The following NAALADL2 variants were observed in gnomAD, a reference collection of about 807,000 sequenced individuals.
The protein encoded by NAALADL2 is N-acetylated alpha-linked acidic dipeptidase like 2, also known as inactive N-acetylated-alpha-linked acidic dipeptidase-like protein 2.
In NAALADL2, 76 loss-of-function variants were observed where a neutral mutation model predicts 87.2. The observed-to-expected ratio is 0.87, with a 90% CI of 0.72 to 1.05. The LOEUF is 1.05. NAALADL2 is among the 50% of genes least tolerant of loss of function. NAALADL2 has a pLI of 0.00. For missense variants in NAALADL2, 1,089 were observed against 945.8 expected, an observed-to-expected ratio of 1.15 and a Z score of -1.99; for synonymous variants, 354 against 331.0, an observed-to-expected ratio of 1.07 and a Z score of -0.75.
At chr3:175,403,927 A>G (rs1281186056) in intron 5 of NAALADL2, among the ~76,000 whole-genome samples, 1 of 152,130 alleles carries the variant, frequency 6.6e-6, no homozygotes, top group Non-Finnish European at 1.5e-5. Flanking sequence ...AGTGTTAAAC[A>G]TGTTCACAGC....
At chr3:175,374,611 G>T (rs1371058826) in intron 5 of NAALADL2, among the ~76,000 whole-genome samples, 1 of 147,624 alleles carries the variant, frequency 6.8e-6, no homozygotes, top group East Asian at 2.0e-4. Flanking sequence ...CAGGTGTGGT[G>T]GCTGTAATCC....
intron 11 of NAALADL2, among the ~76,000 whole-genome samples, chr3:175,717,120 A>C (rs73881361): frequency 2.0e-5 from 3 of 152,082 alleles, no homozygotes; most frequent in Admixed American, 1.3e-4. Context: ...TGCATGATGA[A>C]ATTTGCACAG....
At chr3:175,165,395 A>G (rs538922947) in intron 2 of NAALADL2, among the ~76,000 whole-genome samples, 2 of 152,082 alleles carry the variant, frequency 1.3e-5, no homozygotes, top group African/African-American at 4.8e-5. Flanking sequence ...ATCTATAAAC[A>G]ATAAGTAAAT....
chr3:174,628,203 C>T (rs957429300), intron 2 of NAALADL2, among the ~76,000 whole-genome samples: 12 of 152,060 alleles, frequency 7.9e-5, no homozygotes, highest in Non-Finnish European at 1.6e-4. Flanking sequence ...TCTGGCCGGT[C>T]GTTGTGGCTC....
chr3:175,005,851 C>A (rs918590964), intron 1 of NAALADL2, among the ~76,000 whole-genome samples: 6 of 152,104 alleles, frequency 3.9e-5, no homozygotes, highest in Non-Finnish European at 8.8e-5. Flanking sequence ...AGACTTTGGG[C>A]TTATTTGGAA....
chr3:175,008,303 C>T (rs995770013), intron 1 of NAALADL2, among the ~76,000 whole-genome samples: 14 of 152,100 alleles, frequency 9.2e-5, no homozygotes, highest in South Asian at 4.1e-4. Flanking sequence ...ATTGCTTGAG[C>T]GCAGGAGTTC....
At chr3:175,217,719 T>C (rs766283435) in intron 2 of NAALADL2, among the ~76,000 whole-genome samples, 3 of 152,248 alleles carry the variant, frequency 2.0e-5, no homozygotes, top group Non-Finnish European at 4.4e-5. Context: ...TCATGCATTA[T>C]GTGGCCTTTA....
At chr3:175,333,210 ATG>A (rs1761603769) in intron 5 of NAALADL2, among the ~76,000 whole-genome samples, 1 of 152,126 alleles carries the variant, frequency 6.6e-6, no homozygotes, top group South Asian at 2.1e-4. Context: ...GTACAGGTAG[ATG>A]TCAGCTGTGG....
intron 3 of NAALADL2, among the ~76,000 whole-genome samples, chr3:174,753,347 A>T (rs1006685552): frequency 1.3e-4 from 20 of 152,206 alleles, no homozygotes; most frequent in African/African-American, 4.8e-4. Context: ...AAGTGCTGGG[A>T]TTACAGGCAT....
At position 175,150,155 on chromosome 3, in the gene NAALADL2, TA is replaced by T. The variant is rs67666449; in HGVS notation, c.545+52865del. On this transcript the variant is annotated intron_variant, in intron 2 of 13. Transcript: ENST00000454872. The stretch of plus-strand genomic sequence containing the variant: ...TGAGATTAAGAATCTTTCTATGTTT[TA>T]TAACAATAGGTTTCAAAAGAGCATC... Among the ~76,000 whole-genome samples the T allele has an allele frequency of 7.7e-3, 1,165 of 151,906 alleles. 4 individuals are homozygous for T. The highest frequency in any genetic ancestry group is 0.025 in the South Asian group (122 of 4,812).
intron 4 of NAALADL2, among the ~76,000 whole-genome samples, chr3:175,297,927 A>G (rs749258026): frequency 6.6e-6 from 1 of 152,186 alleles, no homozygotes; most frequent in Non-Finnish European, 1.5e-5. Flanking sequence ...TTTAATAACT[A>G]TGAATACATT....
intron 13 of NAALADL2, among the ~76,000 whole-genome samples, chr3:175,762,729 G>C (rs1305143295): frequency 2.0e-5 from 3 of 152,094 alleles, no homozygotes; most frequent in Non-Finnish European, 4.4e-5. Context: ...CAATCGAGGG[G>C]TTGCAACATC....
chr3:174,716,174 G>A (rs1168104868), intron 2 of NAALADL2, among the ~76,000 whole-genome samples: 1 of 152,026 alleles, frequency 6.6e-6, no homozygotes, highest in Non-Finnish European at 1.5e-5. Flanking sequence ...CCTCTATTGG[G>A]AAAGATCATA....
intron 3 of NAALADL2, 120 bp downstream of exon 3, chr3:175,234,324 A>G (rs1464546283): frequency 3.8e-6 from 4 of 1,051,924 alleles, no homozygotes; most frequent in African/African-American, 1.6e-5. Flanking sequence ...AAATCTTTTC[A>G]GTGTGGAAGT....
At chr3:174,982,157 C>G (rs1330173893) in intron 1 of NAALADL2, among the ~76,000 whole-genome samples, 1 of 152,082 alleles carries the variant, frequency 6.6e-6, no homozygotes, top group Non-Finnish European at 1.5e-5. Context: ...CCATGGGGGA[C>G]AAATGTGTTT....
chr3:175,052,340 T>TA (rs1474472834), intron 1 of NAALADL2, among the ~76,000 whole-genome samples: 2 of 152,206 alleles, frequency 1.3e-5, no homozygotes, highest in Non-Finnish European at 1.5e-5. Context: ...AGAGATTTTA[T>TA]TTATGGCAAG....
Position 175,755,076 on chromosome 3 carries a change from AAGAG to A in NAALADL2, c.1991-136_1991-133del, listed in dbSNP as rs373617846. The A allele has an allele frequency of 3.2e-5, 20 of 631,612 alleles. 1 individual carries two copies. The highest frequency in any genetic ancestry group is 1.8e-4 in the Admixed American group (5 of 27,770). The allele number at this position is 631,612 out of a possible 1,614,324, so 39.1% of individuals were successfully genotyped here. On this transcript the variant is annotated intron_variant, in intron 12 of 13. Transcript: ENST00000454872. ...TTGCTTTTGTCAAGTGACAAAAAAA[AAGAG>A]AGAGAGAACTGTCAATGACAATTTC...
chr3:174,522,823 A>G (rs1052730438), intron 1 of NAALADL2, among the ~76,000 whole-genome samples: 12 of 150,342 alleles, frequency 8.0e-5, no homozygotes, highest in Non-Finnish European at 1.6e-4. Flanking sequence ...AGTCCCAGCT[A>G]CTCGGGAGGC....
At chr3:174,575,256 A>G (rs1478690148) in intron 2 of NAALADL2, among the ~76,000 whole-genome samples, 3 of 152,184 alleles carry the variant, frequency 2.0e-5, no homozygotes, top group Non-Finnish European at 4.4e-5. Flanking sequence ...CTAATTTTAT[A>G]TTGTAGACAA....
Sources: allele counts gnomAD v4.1 joint callset (sites outside exome capture counted in the v4.1 genomes callset), GRCh38; gene constraint gnomAD v4.1.1; transcripts MANE v1.5; gene names NCBI Gene and HGNC (gene_info 2026-07-23, HGNC 2026-07-21).